Variants in NELFB observed in about 807,000 individuals in gnomAD.
NELFB encodes negative elongation factor complex member B, also known as negative elongation factor B.
Under a neutral mutation model 60.2 loss-of-function variants are expected in NELFB, and 34 were observed. The ratio of observed to expected loss-of-function variants is 0.56; its 90% CI spans 0.43 to 0.75. The LOEUF (loss-of-function observed/expected upper bound fraction) is 0.75. NELFB is among the 30% of genes least tolerant of loss of function. NELFB has a pLI of 0.00. For synonymous variants in NELFB, 459 were observed against 382.1 expected (o/e 1.20, Z -2.35); for missense variants, 770 against 831.6 (o/e 0.93, Z 0.91).
At chr9:137,266,514 T>C (rs1325938955) in intron 8 of NELFB, 88 bp downstream of exon 8, 1 of 1,127,954 alleles carries the variant, frequency 8.9e-7, no homozygotes, top group Non-Finnish European at 1.3e-6. Context: ...AGCAAGGTGA[T>C]TGTGGAGGCC....
rs750601280 is a variant in NELFB, at chr9:137,256,060, G to A, written c.400G>A (p.Ala134Thr). The A allele has an allele frequency of 3.1e-6, 5 of 1,613,314 alleles. No individual in the cohort carries two copies. In the East Asian group the frequency reaches 6.7e-5, roughly 22 times the overall value. ...GTCAGCCATCGCTTCGGAGGGGAAG[G>A]CTGAGGAAAGGTGGGTCAGCGGGAG... Residue 134 changes from alanine (A) to threonine (T), a missense_variant, in exon 2 of 13, where the codon GCT (alanine) becomes ACT (threonine). By Grantham distance (58) the Ala-to-Thr change is moderately conservative. Transcript: ENST00000343053.
intron 3 of NELFB, 98 bp downstream of exon 3, chr9:137,256,526 T>A (rs1384644687): frequency 6.4e-6 from 7 of 1,091,168 alleles, no homozygotes; most frequent in Non-Finnish European, 9.6e-6. Context: ...TCCGGGAGCT[T>A]CCTGTGCTGC....
chr9:137,272,327 G>A, intron 11 of NELFB, 105 bp downstream of exon 11: 1 of 1,549,152 alleles, frequency 6.5e-7, no homozygotes, highest in Non-Finnish European at 8.8e-7. Context: ...GGGTCCGCAG[G>A]TGGGTCTGTT....
At chr9:137,257,581 C>T (rs1186870350) in intron 4 of NELFB, among the ~76,000 whole-genome samples, 7 of 150,718 alleles carry the variant, frequency 4.6e-5, no homozygotes, top group South Asian at 2.1e-4. Context: ...CGGCTCACTG[C>T]GACCTCCGCC....
At chr9:137,258,055 T>A (rs1202050215) in intron 4 of NELFB, among the ~76,000 whole-genome samples, 1 of 148,272 alleles carries the variant, frequency 6.7e-6, no homozygotes, top group Non-Finnish European at 1.5e-5. Flanking sequence ...TCCTCCCACA[T>A]CAGCCTTCTA....
chr9:137,266,909 G>GGCCCGC (rs771803704), intron 8 of NELFB, 35 bp from the exon 9 acceptor site: 8 of 1,608,938 alleles, frequency 5.0e-6, no homozygotes, highest in South Asian at 1.1e-5. Context: ...GCAGGGCCCG[G>GGCCCGC]GCCCGCGCCC....
chr9:137,264,417 C>T, intron 6 of NELFB, 60 bp downstream of exon 6: 2 of 1,285,376 alleles, frequency 1.6e-6, no homozygotes, highest in East Asian at 2.5e-5. Flanking sequence ...CCGGTCTGCG[C>T]TTGCTGTGTT....
In NELFB at chr9:137,272,206, C is replaced by T; in HGVS notation, c.1615C>T (p.Leu539Phe). ...CAGCAGCCTCTTCGATGGCTTCTTCCTCACCGCCTCTCCAAGGTAGGCCTG... is the reference window on the plus strand; with the variant it reads ...CAGCAGCCTCTTCGATGGCTTCTTCTTCACCGCCTCTCCAAGGTAGGCCTG... The change falls in exon 11 of 13, where the codon CTC becomes TTC. Residue 539 changes from leucine to phenylalanine, a missense_variant. Coordinates refer to ENST00000343053, the MANE Select transcript of NELFB (RefSeq NM_015456.5). 2.5e-6 allele frequency: 4 copies of T among 1,614,086 alleles called. No individual in the cohort carries two copies. The highest frequency in any genetic ancestry group is 3.4e-6 in the Non-Finnish European group (4 of 1,179,976).
intron 4 of NELFB, 59 bp downstream of exon 4, chr9:137,257,113 C>T (rs1837566944): frequency 7.0e-7 from 1 of 1,431,804 alleles, no homozygotes; most frequent in Non-Finnish European, 9.6e-7. Flanking sequence ...CGGCTAGCGC[C>T]TTCAGCTGCC....
rs192780738 is a variant in NELFB, at chr9:137,261,702, C to T, written c.742-1335C>T. On this transcript the variant is annotated intron_variant, in intron 4 of 12. Transcript: ENST00000343053. ...ATTGATTGGGTGTAGGGACCAGCCC[C>T]ACAGGGTTGATGGGTTTTTCTCCCC... Among the ~76,000 whole-genome samples, 173 of 151,586 alleles carry T rather than the reference C, an allele frequency of 1.1e-3. 2 individuals carry two copies. The highest frequency in any genetic ancestry group is 0.011 in the Admixed American group (160 of 15,224).
rs60479210 is a variant in NELFB, at chr9:137,265,031, CTTTTTT to C, written c.1040+692_1040+697del. 2.0e-4 allele frequency among the ~76,000 whole-genome samples: 25 copies of C among 126,174 alleles called. No homozygotes were observed. In the East Asian group the frequency reaches 2.4e-3, roughly 12 times the overall value. 82.8% of individuals were successfully genotyped at this position (126,174 alleles called of 152,430 possible). A position where few individuals can be genotyped will look rare whatever the true frequency, so the allele number is the denominator to read the frequency against. On this transcript the variant is annotated intron_variant, in intron 6 of 12. Transcript: ENST00000343053. ...CCTGCCTTTGCCACTTTTTTTCTTC[CTTTTTT>C]TTTTTTTTTTTTTTTTTCTGAGACA...
chr9:137,273,319 T>C lies in NELFB; in HGVS notation c.*391T>C, dbSNP rs1041531704. On this transcript the variant is annotated 3_prime_UTR_variant, in exon 13 of 13. Coordinates refer to ENST00000343053, the MANE Select transcript of NELFB (RefSeq NM_015456.5). ...GCTTACTGCCTTGGGGTTGTGGAGA[T>C]GGACCCGTGACCTCGTGGAGGCCGT... 1 of 179,072 alleles carries C rather than the reference T, an allele frequency of 5.6e-6. No homozygotes were observed. The highest frequency in any genetic ancestry group is 1.2e-5 in the Non-Finnish European group (1 of 84,952). The allele number at this position is 179,072 out of a possible 1,614,324, so 11.1% of individuals were successfully genotyped here. A position where few individuals can be genotyped will look rare whatever the true frequency, so the allele number is the denominator to read the frequency against.
At chr9:137,263,923 C>T (rs959045076) in intron 5 of NELFB, among the ~76,000 whole-genome samples, 2 of 152,192 alleles carry the variant, frequency 1.3e-5, no homozygotes, top group African/African-American at 2.4e-5. Context: ...GCCCTGAGAC[C>T]ATCTTTCCGG....
At chr9:137,271,969 GA>G (rs1564446080) in intron 10 of NELFB, 111 bp from the exon 11 acceptor site, 14 of 1,383,914 alleles carry the variant, frequency 1.0e-5, no homozygotes, top group Non-Finnish European at 1.3e-5. Flanking sequence ...GAACAACTGA[GA>G]ACTCTCATGT....
chr9:137,263,329 C>T, intron 5 of NELFB, 107 bp downstream of exon 5: 1 of 1,049,272 alleles, frequency 9.5e-7, no homozygotes, highest in Non-Finnish European at 1.3e-6. Context: ...CCACTGCCCT[C>T]CTGAAGGTAG....
At chr9:137,268,236 C>T (rs1830543435) in intron 10 of NELFB, among the ~76,000 whole-genome samples, 1 of 152,106 alleles carries the variant, frequency 6.6e-6, no homozygotes, top group African/African-American at 2.4e-5. Context: ...CTGGGGTTTG[C>T]TGTCTTAGTC....
intron 4 of NELFB, among the ~76,000 whole-genome samples, chr9:137,260,405 A>T (rs867531973): frequency 7.1e-6 from 1 of 141,776 alleles, no homozygotes; most frequent in Non-Finnish European, 1.5e-5. Context: ...AATTTTTTTT[A>T]TTTATTTTAT....
intron 11 of NELFB, 22 bp downstream of exon 11, chr9:137,272,244 C>T (rs375380184): frequency 1.9e-5 from 30 of 1,612,706 alleles, no homozygotes; most frequent in African/African-American, 1.1e-4. Flanking sequence ...GGGTACCATC[C>T]GGCCCGCTCT....
At chr9:137,256,784 A>ACACT (rs1564441382) in intron 3 of NELFB, 40 bp from the exon 4 acceptor site, 1 of 1,592,684 alleles carries the variant, frequency 6.3e-7, no homozygotes, top group African/African-American at 1.3e-5. Flanking sequence ...AGACCCAGGG[A>ACACT]CACAGGTGCC....
Sources: gnomAD v4.1 joint callset for allele counts (sites outside exome capture counted in the v4.1 genomes callset) on GRCh38, gnomAD v4.1.1 for gene constraint, MANE v1.5 for transcripts, NCBI Gene and HGNC (gene_info 2026-07-23, HGNC 2026-07-21) for gene names.